Variants in RPL7A observed in about 807,000 individuals in gnomAD.
RPL7A encodes the protein ribosomal protein L7a.
For synonymous variants in RPL7A, 158 were observed against 128.2 expected (o/e 1.23, Z -1.57); for missense variants, 291 against 338.2 (o/e 0.86, Z 1.09).
chr9:133,350,534 C>G (rs2129994477), intron 5 of RPL7A, 63 bp from the exon 6 acceptor site: 595 of 1,612,576 alleles, frequency 3.7e-4, no homozygotes, highest in Non-Finnish European at 4.8e-4. Flanking sequence ...GCAATTGTTA[C>G]AAGCTAACTG....
At position 133,351,421 on chromosome 9, in the gene RPL7A, C is replaced by T. The variant is rs1314724569; in HGVS notation, c.*55C>T. The T allele has an allele frequency of 1.4e-5, 18 of 1,329,518 alleles. No homozygotes were observed. The East Asian group carries it at 2.9e-4, about 21-fold the overall frequency. 82.4% of individuals were successfully genotyped at this position (1,329,518 alleles called of 1,614,324 possible). A position where few individuals can be genotyped will look rare whatever the true frequency, so the allele number is the denominator to read the frequency against. On this transcript the variant is annotated 3_prime_UTR_variant, in exon 8 of 8. Transcript: ENST00000323345. ...AAATAATTGAAATAATACAAATTTTCCTTCAGCCAGTGTCTGTTGAGTATC... is the reference window on the plus strand; with the variant it reads ...AAATAATTGAAATAATACAAATTTTTCTTCAGCCAGTGTCTGTTGAGTATC...
chr9:133,348,518 C>A (rs2129979053), intron 1 of RPL7A: 54 of 603,918 alleles, frequency 8.9e-5, no homozygotes, highest in African/African-American at 8.9e-4. Flanking sequence ...CACCGCAGTG[C>A]GGGGCTCGGA....
At position 133,351,079 on chromosome 9, in the gene RPL7A, G is replaced by A. The variant is rs1422142853; in HGVS notation, c.696+8G>A. The A allele has an allele frequency of 6.2e-7, 1 of 1,613,200 alleles. No homozygotes were observed. Among genetic ancestry groups the A allele is most frequent in the African/African-American group, 1.3e-5 (1 of 75,014 alleles). On this transcript the variant is annotated splice_region_variant and intron_variant, in intron 7 of 7. Transcript: ENST00000323345. ...AATGACAGATACGATGAGGTAAGAG[G>A]CAGCTTTACACCAAAATACTGTCAT...
rs1273574874 is a variant in RPL7A, at chr9:133,351,191, A to T, written c.697-71A>T. ...CAGCTTGGAACAGCCAAACAGAATT[A>T]ACGCAACTAATAACCTTGAAAATCT... On this transcript the variant is annotated intron_variant, in intron 7 of 7. Transcript: ENST00000323345. The T allele has an allele frequency of 3.2e-6, 5 of 1,550,988 alleles. No homozygotes were observed. In the East Asian group the frequency reaches 1.1e-4, roughly 35 times the overall value.
intron 2 of RPL7A, 106 bp downstream of exon 2, chr9:133,349,148 C>T (rs1453857118): frequency 1.5e-6 from 2 of 1,351,774 alleles, no homozygotes; most frequent in Middle Eastern, 1.9e-4. Flanking sequence ...AAAGTGGTCG[C>T]AGTCCTTAAT....
chr9:133,351,195 C>T, intron 7 of RPL7A, 67 bp from the exon 8 acceptor site: 4 of 1,553,776 alleles, frequency 2.6e-6, no homozygotes, highest in Non-Finnish European at 2.7e-6. Flanking sequence ...AGAATTAACG[C>T]AACTAATAAC....
chr9:133,350,107 AAAAT>A, intron 4 of RPL7A, 55 bp downstream of exon 4: 1 of 1,613,898 alleles, frequency 6.2e-7, no homozygotes, highest in Non-Finnish European at 8.5e-7. Context: ...GCAGTGATGT[AAAAT>A]TTCTTGGCCT....
chr9:133,350,374 A>C, intron 5 of RPL7A, 55 bp downstream of exon 5: 1 of 1,596,596 alleles, frequency 6.3e-7, no homozygotes, highest in South Asian at 1.1e-5. Flanking sequence ...CCAGGAAGAG[A>C]GAGTAGACCT....
At chr9:133,350,369 A>G (rs2129993136) in intron 5 of RPL7A, 50 bp downstream of exon 5, 7 of 1,601,354 alleles carry the variant, frequency 4.4e-6, no homozygotes, top group Non-Finnish European at 6.0e-6. Flanking sequence ...CAGTACCAGG[A>G]AGAGAGAGTA....
At chr9:133,349,398 C>T (rs1191820102) in intron 2 of RPL7A, 153 bp from the exon 3 acceptor site, 5 of 1,008,056 alleles carry the variant, frequency 5.0e-6, no homozygotes, top group Non-Finnish European at 7.9e-6. Flanking sequence ...TGTTTGTGTG[C>T]AGATGATGTA....
chr9:133,350,543 T>C (rs1195483386), intron 5 of RPL7A, 54 bp from the exon 6 acceptor site: 13 of 1,613,900 alleles, frequency 8.1e-6, no homozygotes, highest in Non-Finnish European at 1.1e-5. Context: ...ACAAGCTAAC[T>C]GAAATTTGCT....
intron 6 of RPL7A, 27 bp downstream of exon 6, chr9:133,350,754 T>G (rs2129995896): frequency 2.5e-6 from 4 of 1,608,120 alleles, no homozygotes; most frequent in Non-Finnish European, 3.4e-6. Context: ...GCCCCAAACT[T>G]CCCCCCAGTT....
chr9:133,348,409 G>A (rs1417332288), intron 1 of RPL7A, 163 bp downstream of exon 1: 2 of 1,004,356 alleles, frequency 2.0e-6, no homozygotes, highest in Non-Finnish European at 3.1e-6. Flanking sequence ...GCCCCACTTG[G>A]TGTGGCACGG....
rs2129980651 is a variant in RPL7A at position 133,348,762 on chromosome 9, C to T, written c.4-160C>T. ...CTTGTGCGGCTGAATGTGAGATGCTCCTGTCGAGGGGTGGTGCTGGGGGGT... is the reference window on the plus strand; with the variant it reads ...CTTGTGCGGCTGAATGTGAGATGCTTCTGTCGAGGGGTGGTGCTGGGGGGT... On this transcript the variant is annotated intron_variant, in intron 1 of 7. Coordinates refer to ENST00000323345, the MANE Select transcript of RPL7A (RefSeq NM_000972.3). 13,292 of 1,063,038 alleles carry T rather than the reference C, an allele frequency of 0.013. 938 individuals are homozygous for T. In the African/African-American group the frequency reaches 0.17, roughly 13 times the overall value. 65.9% of individuals were successfully genotyped at this position (1,063,038 alleles called of 1,614,324 possible).
intron 2 of RPL7A, chr9:133,349,259 G>T: frequency 1.3e-6 from 1 of 743,560 alleles, no homozygotes; most frequent in Non-Finnish European, 2.3e-6. Flanking sequence ...CTTGAATTCA[G>T]CTTAGCCATC....
intron 4 of RPL7A, 83 bp downstream of exon 4, chr9:133,350,135 A>G (rs2129991571): frequency 1.2e-6 from 2 of 1,613,444 alleles, no homozygotes. Context: ...ATTACTGTGA[A>G]GAGTAAAACC....
chr9:133,349,240 G>A, intron 2 of RPL7A, 198 bp downstream of exon 2: 1 of 752,102 alleles, frequency 1.3e-6, no homozygotes. Flanking sequence ...AGCTCAATAT[G>A]GTAGTGGCCT....
intron 5 of RPL7A, 53 bp from the exon 6 acceptor site, chr9:133,350,544 G>C: frequency 6.2e-7 from 1 of 1,614,080 alleles, no homozygotes; most frequent in South Asian, 1.1e-5. Flanking sequence ...CAAGCTAACT[G>C]AAATTTGCTG....
chr9:133,349,843 G>C, intron 3 of RPL7A, 69 bp from the exon 4 acceptor site: 1 of 1,591,788 alleles, frequency 6.3e-7, no homozygotes, highest in South Asian at 1.1e-5. Flanking sequence ...TCCAGCATTT[G>C]TTATTAAGTG....
Sources: gnomAD v4.1 joint callset for allele counts on GRCh38, gnomAD v4.1.1 for gene constraint, MANE v1.5 for transcripts, NCBI Gene and HGNC (gene_info 2026-07-23, HGNC 2026-07-21) for gene names.